Variants in DAAM2 observed in about 807,000 individuals in gnomAD.
The protein encoded by DAAM2 is disheveled-associated activator of morphogenesis 2.
Under a neutral mutation model 120.7 loss-of-function variants are expected in DAAM2, and 39 were observed. That is an observed-to-expected ratio of 0.32 (90% CI 0.25 to 0.42). The LOEUF is 0.42. DAAM2 is among the 10% of genes least tolerant of loss of function. DAAM2 has a pLI of 1.00. For missense variants in DAAM2, 1,283 were observed against 1,401.7 expected, an observed-to-expected ratio of 0.92 and a Z score of 1.35; for synonymous variants, 488 against 524.9, an observed-to-expected ratio of 0.93 and a Z score of 0.96.
chr6:39,870,458 C>T lies in DAAM2; in HGVS notation c.977+15C>T, dbSNP rs768190596. The T allele has an allele frequency of 4.6e-6, 7 of 1,513,994 alleles. No individual in the cohort carries two copies. Among genetic ancestry groups the T allele is most frequent in the East Asian group, 4.8e-5 (2 of 41,680 alleles). The allele number at this position is 1,513,994 out of a possible 1,614,324, so 93.8% of individuals were successfully genotyped here. A position where few individuals can be genotyped will look rare whatever the true frequency, so the allele number is the denominator to read the frequency against. ...ATCCTGGACAAGTAAGTTCCAAGCA[C>T]CCGTCTCCATTGCAAACCTGTGGGG... On this transcript the variant is annotated intron_variant, in intron 8 of 24. Coordinates refer to ENST00000274867, the MANE Select transcript of DAAM2 (RefSeq NM_001201427.2).
chr6:39,811,302 T>C (rs1483774488), intron 1 of DAAM2, among the ~76,000 whole-genome samples: 7 of 152,160 alleles, frequency 4.6e-5, no homozygotes, highest in Middle Eastern at 3.4e-3. Flanking sequence ...GAAAACCTCA[T>C]GTGGATGTTG....
At chr6:39,802,534 G>T (rs931000814) in intron 1 of DAAM2, among the ~76,000 whole-genome samples, 4 of 152,190 alleles carry the variant, frequency 2.6e-5, no homozygotes, top group Non-Finnish European at 5.9e-5. Flanking sequence ...TGATGATGGT[G>T]GTGGTGGTGG....
At chr6:39,837,683 A>G (rs1006406533) in intron 1 of DAAM2, among the ~76,000 whole-genome samples, 4 of 151,022 alleles carry the variant, frequency 2.6e-5, no homozygotes, top group Admixed American at 1.3e-4. Flanking sequence ...AAAAAAAAAA[A>G]AAAGAAAAGA....
chr6:39,818,203 A>AC (rs1422216249), intron 1 of DAAM2, among the ~76,000 whole-genome samples: 1 of 148,412 alleles, frequency 6.7e-6, no homozygotes, highest in African/African-American at 2.6e-5. Flanking sequence ...AAAAAAAAAA[A>AC]AAACTTCACA....
At chr6:39,874,533 C>T (rs1764791848) in intron 10 of DAAM2, among the ~76,000 whole-genome samples, 1 of 152,204 alleles carries the variant, frequency 6.6e-6, no homozygotes, top group Non-Finnish European at 1.5e-5. Context: ...GGTTCTTCTA[C>T]TCTGCCCCAA....
intron 17 of DAAM2, among the ~76,000 whole-genome samples, chr6:39,889,847 T>C (rs1298755047): frequency 1.3e-5 from 2 of 152,030 alleles, no homozygotes; most frequent in Non-Finnish European, 2.9e-5. Context: ...TAGAAGGAAG[T>C]CCGGGCACAG....
At chr6:39,843,181 G>A (rs1763419509) in intron 1 of DAAM2, among the ~76,000 whole-genome samples, 1 of 152,184 alleles carries the variant, frequency 6.6e-6, no homozygotes, top group African/African-American at 2.4e-5. Context: ...TGTATGGAAA[G>A]AGCACTGCGG....
At chr6:39,803,681 C>T (rs185108578) in intron 1 of DAAM2, among the ~76,000 whole-genome samples, 5 of 152,266 alleles carry the variant, frequency 3.3e-5, no homozygotes, top group East Asian at 1.9e-4. Flanking sequence ...CATGGTGACT[C>T]GCTTTAGCCT....
chr6:39,843,806 G>A (rs554853813), intron 1 of DAAM2, among the ~76,000 whole-genome samples: 26 of 152,104 alleles, frequency 1.7e-4, no homozygotes, highest in Admixed American at 3.3e-4. Context: ...TGCAAGCACT[G>A]AGTTCTTTCC....
chr6:39,863,362 A>C (rs1764293312), intron 3 of DAAM2, among the ~76,000 whole-genome samples: 1 of 152,188 alleles, frequency 6.6e-6, no homozygotes, highest in Admixed American at 6.5e-5. Context: ...TAAATTTAAC[A>C]TTTAACCATG....
chr6:39,860,448 C>T lies in DAAM2; in HGVS notation c.169-480C>T, dbSNP rs192965618. Among the ~76,000 whole-genome samples, 4 of 152,212 alleles carry T rather than the reference C, an allele frequency of 2.6e-5. No homozygotes were observed. The East Asian group carries it at 5.8e-4, about 22-fold the overall frequency. On this transcript the variant is annotated intron_variant, in intron 2 of 24. Coordinates refer to ENST00000274867, the MANE Select transcript of DAAM2 (RefSeq NM_001201427.2). Reference sequence around the variant, plus strand: ...CCAGAGAATGTCTAGGGCAGAGATTCGAAGGGCAGGTAGATGTGAAGGATG... The same window carrying T: ...CCAGAGAATGTCTAGGGCAGAGATTTGAAGGGCAGGTAGATGTGAAGGATG...
chr6:39,885,766 C>T (rs1765348767), intron 15 of DAAM2: 1 of 152,288 alleles, frequency 6.6e-6, no homozygotes, highest in Non-Finnish European at 1.5e-5. Context: ...TGCCTCTTCT[C>T]TCAGTTGGTT....
chr6:39,800,571 C>T (rs900482320), intron 1 of DAAM2, among the ~76,000 whole-genome samples: 4 of 152,178 alleles, frequency 2.6e-5, no homozygotes, highest in Non-Finnish European at 5.9e-5. Flanking sequence ...TGCTCTCTGA[C>T]CCCTTTGAGG....
chr6:39,855,500 G>A (rs1177993601), intron 1 of DAAM2, among the ~76,000 whole-genome samples: 3 of 152,188 alleles, frequency 2.0e-5, no homozygotes, highest in Non-Finnish European at 4.4e-5. Flanking sequence ...CTGAGCAAAT[G>A]TCAAATACCA....
chr6:39,828,063 A>T (rs1454663683), intron 1 of DAAM2, among the ~76,000 whole-genome samples: 4 of 152,216 alleles, frequency 2.6e-5, no homozygotes, highest in Non-Finnish European at 4.4e-5. Context: ...CCTGTCCCTG[A>T]TGAAGCACTG....
In DAAM2 at chr6:39,902,142, C is replaced by T; in HGVS notation, c.*105C>T. 1 of 1,039,408 alleles carries T rather than the reference C, an allele frequency of 9.6e-7. No individual in the cohort carries two copies. Among genetic ancestry groups the T allele is most frequent in the Admixed American group, 2.7e-5 (1 of 37,076 alleles). 64.4% of individuals were successfully genotyped at this position (1,039,408 alleles called of 1,614,324 possible). Reference sequence around the variant, plus strand: ...AAACCATTTGGTGCTTGGTTTAGAGCCTTGGGCTGGGTCCTGGGATGGGGG... The same window carrying T: ...AAACCATTTGGTGCTTGGTTTAGAGTCTTGGGCTGGGTCCTGGGATGGGGG... On this transcript the variant is annotated 3_prime_UTR_variant, in exon 25 of 25. Coordinates refer to ENST00000274867, the MANE Select transcript of DAAM2 (RefSeq NM_001201427.2).
chr6:39,807,919 A>G (rs1303922820), intron 1 of DAAM2, among the ~76,000 whole-genome samples: 3 of 152,150 alleles, frequency 2.0e-5, no homozygotes, highest in Non-Finnish European at 4.4e-5. Context: ...ATCTCCCTTG[A>G]CCATTGGTGA....
chr6:39,793,876 G>C (rs1317682762), intron 1 of DAAM2, among the ~76,000 whole-genome samples: 1 of 152,164 alleles, frequency 6.6e-6, no homozygotes, highest in Non-Finnish European at 1.5e-5. Context: ...CTCTGGTTTT[G>C]TATTTTGCAG....
chr6:39,868,105 C>T, intron 6 of DAAM2: 1 of 480,714 alleles, frequency 2.1e-6, no homozygotes, highest in Non-Finnish European at 3.8e-6. Flanking sequence ...TTCCTGGAAG[C>T]CGGAATATTG....
Sources: allele counts gnomAD v4.1 joint callset (sites outside exome capture counted in the v4.1 genomes callset), GRCh38; gene constraint gnomAD v4.1.1; transcripts MANE v1.5; gene names NCBI Gene and HGNC (gene_info 2026-07-23, HGNC 2026-07-21).